SEC22A: variants seen among roughly 807,000 people sequenced by gnomAD.
The protein encoded by SEC22A is SEC22 homolog A, vesicle trafficking protein, also known as vesicle-trafficking protein SEC22a.
SEC22A carries 22 observed loss-of-function variants against 35.3 expected under a neutral mutation model. The ratio of observed to expected loss-of-function variants is 0.62; its 90% CI spans 0.45 to 0.89. SEC22A has a LOEUF of 0.89. SEC22A is among the 40% of genes least tolerant of loss of function. The probability of loss-of-function intolerance (pLI) is 0.00; values close to 1 mark genes in which losing one functional copy is unlikely to be tolerated. For missense variants in SEC22A, 354 were observed against 362.5 expected, an observed-to-expected ratio of 0.98 and a Z score of 0.19; for synonymous variants, 119 against 129.5, an observed-to-expected ratio of 0.92 and a Z score of 0.55.
chr3:123,213,628 A>G (rs1035882964), intron 2 of SEC22A, among the ~76,000 whole-genome samples: 41 of 152,130 alleles, frequency 2.7e-4, no homozygotes, highest in African/African-American at 9.6e-4. Context: ...TTATTTCTCC[A>G]TCCTCTCTTT....
chr3:123,236,815 A>G (rs937744818), intron 4 of SEC22A, among the ~76,000 whole-genome samples: 11 of 151,776 alleles, frequency 7.2e-5, no homozygotes, highest in Middle Eastern at 3.4e-3. Context: ...AGAAACACGC[A>G]CACACACACA....
At chr3:123,252,706 T>C (rs1352172591) in intron 5 of SEC22A, among the ~76,000 whole-genome samples, 1 of 152,232 alleles carries the variant, frequency 6.6e-6, no homozygotes, top group Non-Finnish European at 1.5e-5. Flanking sequence ...CATTCTTGCA[T>C]GTTATTAATG....
At chr3:123,261,192 A>G (rs9872359) in intron 6 of SEC22A, among the ~76,000 whole-genome samples, 41,936 of 152,146 alleles carry the variant, frequency 0.28, 7,205 homozygotes, top group Non-Finnish European at 0.4. Flanking sequence ...TTTCTGTCAA[A>G]TCTGACAGAT....
intron 4 of SEC22A, among the ~76,000 whole-genome samples, chr3:123,228,134 CAGTT>C (rs796158939): frequency 4.9e-4 from 75 of 152,082 alleles, no homozygotes; most frequent in African/African-American, 1.7e-3. Flanking sequence ...ATAATCCAGT[CAGTT>C]AGTAAACAAG....
At chr3:123,217,512 C>T (rs550318278) in intron 2 of SEC22A, among the ~76,000 whole-genome samples, 1 of 150,780 alleles carries the variant, frequency 6.6e-6, no homozygotes, top group East Asian at 1.9e-4. Flanking sequence ...CGCACCCGGC[C>T]CAAAACATTT....
At chr3:123,257,872 G>A (rs983432919) in intron 5 of SEC22A, among the ~76,000 whole-genome samples, 1 of 150,094 alleles carries the variant, frequency 6.7e-6, no homozygotes. Context: ...CGCACCTGTA[G>A]TCCCAACTAT....
intron 5 of SEC22A, among the ~76,000 whole-genome samples, chr3:123,252,345 T>G (rs1414094594): frequency 1.3e-5 from 2 of 152,074 alleles, no homozygotes; most frequent in Non-Finnish European, 2.9e-5. Context: ...AAGACTTGAG[T>G]GCAAATCCCA....
At chr3:123,240,432 A>T (rs1009971314) in intron 4 of SEC22A, among the ~76,000 whole-genome samples, 1 of 152,226 alleles carries the variant, frequency 6.6e-6, no homozygotes, top group African/African-American at 2.4e-5. Flanking sequence ...TCTTTTGCAC[A>T]GCATGATGTC....
At chr3:123,221,330 G>T (rs1937118159) in intron 2 of SEC22A, among the ~76,000 whole-genome samples, 1 of 151,800 alleles carries the variant, frequency 6.6e-6, no homozygotes, top group Non-Finnish European at 1.5e-5. Flanking sequence ...AATTAGCCAG[G>T]TGTGGTGGTG....
In SEC22A at chr3:123,205,655, CAACAGAG is replaced by C. The variant is rs1936840166; in HGVS notation, c.-19-3543_-19-3537del. 4.6e-5 allele frequency among the ~76,000 whole-genome samples: 7 copies of C among 152,030 alleles called. No homozygotes were observed. In the South Asian group the frequency reaches 1.5e-3, roughly 32 times the overall value. On this transcript the variant is annotated intron_variant, in intron 1 of 6. Coordinates refer to ENST00000492595, the MANE Select transcript of SEC22A (RefSeq NM_012430.5). ...GTGAGCCATTGCACTCCAGCCTGGGCAACAGAGTGAGACCCTGTTTCAAAACAAAACA... is the reference window on the plus strand; with the variant it reads ...GTGAGCCATTGCACTCCAGCCTGGGCTGAGACCCTGTTTCAAAACAAAACA...
chr3:123,234,641 A>G (rs1937384046), intron 4 of SEC22A, among the ~76,000 whole-genome samples: 1 of 152,188 alleles, frequency 6.6e-6, no homozygotes, highest in African/African-American at 2.4e-5. Flanking sequence ...CAACAAAACT[A>G]TAAAACTTTT....
At chr3:123,271,178 C>T (rs1028546040) in intron 6 of SEC22A, among the ~76,000 whole-genome samples, 1 of 152,170 alleles carries the variant, frequency 6.6e-6, no homozygotes, top group Non-Finnish European at 1.5e-5. Flanking sequence ...GAGAATGGAA[C>T]ACCCGCAGAC....
At chr3:123,253,692 G>A (rs1220750919) in intron 5 of SEC22A, among the ~76,000 whole-genome samples, 2 of 133,944 alleles carry the variant, frequency 1.5e-5, no homozygotes, top group African/African-American at 5.6e-5. Context: ...TAGCCTGGGC[G>A]ACAGAGCAAG....
Position 123,225,273 on chromosome 3 carries a change from A to G in SEC22A, c.517A>G (p.Lys173Glu). 6.2e-7 allele frequency: 1 copy of G among 1,611,084 alleles called. No individual in the cohort carries two copies. Among genetic ancestry groups the G allele is most frequent in the Non-Finnish European group, 8.5e-7 (1 of 1,178,078 alleles). ...GVTSAFSVDC[K>E]GAGKISSAHQ... is the part of the protein sequence containing the mutation. ...CACATCAGCATTTTCTGTTGACTGTAAAGGTGCTGGTAAGATTTCTTCTGG... is the reference window on the plus strand; with the variant it reads ...CACATCAGCATTTTCTGTTGACTGTGAAGGTGCTGGTAAGATTTCTTCTGG... The change falls in exon 4 of 7, where the codon AAA becomes GAA. Residue 173 changes from lysine (K) to glutamate (E), a missense_variant. Physicochemically the swap from Lys to Glu is moderately conservative, Grantham distance 56 (BLOSUM62 1). Coordinates refer to ENST00000492595, the MANE Select transcript of SEC22A (RefSeq NM_012430.5).
At chr3:123,244,600 G>A (rs934664663) in intron 4 of SEC22A, among the ~76,000 whole-genome samples, 8 of 152,130 alleles carry the variant, frequency 5.3e-5, no homozygotes, top group African/African-American at 1.9e-4. Context: ...TGTTATATAA[G>A]CACTTTCTGC....
intron 5 of SEC22A, among the ~76,000 whole-genome samples, chr3:123,248,908 T>A (rs1365790201): frequency 6.6e-6 from 1 of 152,184 alleles, no homozygotes; most frequent in Admixed American, 6.5e-5. Flanking sequence ...TCAAATCACT[T>A]TTAACACTAT....
intron 2 of SEC22A, among the ~76,000 whole-genome samples, chr3:123,213,876 A>C (rs1289394097): frequency 1.3e-5 from 2 of 152,074 alleles, no homozygotes; most frequent in Non-Finnish European, 2.9e-5. Context: ...AAATCAGGGG[A>C]GTAACATTTA....
At chr3:123,248,067 T>C (rs1937580787) in intron 5 of SEC22A, among the ~76,000 whole-genome samples, 1 of 152,142 alleles carries the variant, frequency 6.6e-6, no homozygotes, top group South Asian at 2.1e-4. Flanking sequence ...CTCAATTTGA[T>C]AAAGAACATC....
rs776665320 is a variant in SEC22A, at chr3:123,223,572, C to T, written c.196C>T (p.Leu66=). 10 of 1,613,006 alleles carry T rather than the reference C, an allele frequency of 6.2e-6. No homozygotes were observed. Among genetic ancestry groups the T allele is most frequent in the South Asian group, 3.3e-5 (3 of 90,878 alleles). ...GHYNINFISS[L]GVSYMMLCTE... is the part of the protein sequence containing the mutation. ...TTTACACTGTAGTTTTATTAGCTCT[C>T]TGGGAGTGAGCTACATGATGTTGTG... is the stretch of plus-strand genomic sequence containing the variant. The change falls in exon 3 of 7, where the codon CTG becomes TTG. Residue 66 remains leucine, a synonymous_variant. Transcript: ENST00000492595.
Sources: gnomAD v4.1 joint callset for allele counts (sites outside exome capture counted in the v4.1 genomes callset) on GRCh38, gnomAD v4.1.1 for gene constraint, MANE v1.5 for transcripts, NCBI Gene and HGNC (gene_info 2026-07-23, HGNC 2026-07-21) for gene names.